Variants in SLC22A15 observed in about 807,000 individuals in gnomAD.
The protein encoded by SLC22A15 is solute carrier family 22 member 15.
A neutral mutation model predicts 62.7 loss-of-function variants in SLC22A15; 45 were observed. The observed-to-expected ratio is 0.72, with a 90% CI of 0.56 to 0.92. The LOEUF is 0.92. Ranked by LOEUF, SLC22A15 falls within the 40% of genes least tolerant of loss-of-function variation. The probability of loss-of-function intolerance (pLI) is 0.00; values close to 1 mark genes in which losing one functional copy is unlikely to be tolerated. For missense variants in SLC22A15, 622 were observed against 665.6 expected (o/e 0.93, Z 0.72); for synonymous variants, 264 against 267.0 (o/e 0.99, Z 0.11).
At chr1:116,031,854 A>T in intron 6 of SLC22A15, 1 of 1,273,946 alleles carries the variant, frequency 7.8e-7, no homozygotes, top group Non-Finnish European at 9.9e-7. Flanking sequence ...TGAGGTATTT[A>T]TCATAAATAT....
chr1:115,998,109 T>C (rs1655514187), intron 2 of SLC22A15, among the ~76,000 whole-genome samples: 3 of 152,222 alleles, frequency 2.0e-5, no homozygotes, highest in Admixed American at 2.0e-4. Context: ...TGTTGAACCA[T>C]CCTTGCATTC....
chr1:116,052,760 G>A (rs1303481204), intron 8 of SLC22A15, among the ~76,000 whole-genome samples: 1 of 152,174 alleles, frequency 6.6e-6, no homozygotes. Context: ...AAAATCTACT[G>A]TTCTGCAGAC....
At chr1:115,982,257 AGTACTCAACAAATG>A (rs1654645726) in intron 1 of SLC22A15, among the ~76,000 whole-genome samples, 1 of 152,242 alleles carries the variant, frequency 6.6e-6, no homozygotes. Context: ...GACATCATAT[AGTACTCAACAAATG>A]GCATATGGTG....
chr1:116,021,667 T>C (rs1656845375), intron 4 of SLC22A15, among the ~76,000 whole-genome samples: 1 of 152,222 alleles, frequency 6.6e-6, no homozygotes, highest in Admixed American at 6.5e-5. Context: ...TCTTAGAACC[T>C]GATACACAGT....
At chr1:115,980,829 C>T (rs190676389) in intron 1 of SLC22A15, among the ~76,000 whole-genome samples, 2 of 152,026 alleles carry the variant, frequency 1.3e-5, no homozygotes, top group Admixed American at 1.3e-4. Flanking sequence ...TTTGCTTTTC[C>T]ATATTAAATA....
chr1:116,008,638 G>A (rs1196227447), intron 2 of SLC22A15, among the ~76,000 whole-genome samples: 2 of 152,232 alleles, frequency 1.3e-5, no homozygotes, highest in South Asian at 2.1e-4. Context: ...TAGGCTGAAA[G>A]CTAAATAAGA....
rs1325206090 is a variant in SLC22A15 at position 115,981,517 on chromosome 1, A to G, written c.87+4803A>G. Among the ~76,000 whole-genome samples the G allele has an allele frequency of 3.9e-5, 6 of 152,350 alleles. No individual in the cohort carries two copies. In the South Asian group the frequency reaches 1.2e-3, roughly 32 times the overall value. ...AAGAGACAAACACAGTGGTTTGGTC[A>G]AAGAAACCAAACCCACACTGGCCCC... On this transcript the variant is annotated intron_variant, in intron 1 of 11. Transcript: ENST00000369503.
chr1:116,037,125 T>C (rs1657650010), intron 7 of SLC22A15, among the ~76,000 whole-genome samples, 178 bp from the exon 8 acceptor site: 2 of 152,214 alleles, frequency 1.3e-5, no homozygotes, highest in African/African-American at 2.4e-5. Context: ...CTTTGTTTTA[T>C]AGTGGTTATT....
intron 5 of SLC22A15, 111 bp from the exon 6 acceptor site, chr1:116,031,255 C>A: frequency 3.9e-6 from 3 of 768,802 alleles, no homozygotes; most frequent in Non-Finnish European, 6.4e-6. Context: ...TTAAGTCTAA[C>A]ATGGAATCCC....
At chr1:115,993,017 G>A (rs913789753) in intron 2 of SLC22A15, among the ~76,000 whole-genome samples, 1 of 152,100 alleles carries the variant, frequency 6.6e-6, no homozygotes, top group African/African-American at 2.4e-5. Flanking sequence ...GTATGGTCAG[G>A]AAGCCTTACT....
At chr1:116,046,909 A>G (rs1171947610) in intron 8 of SLC22A15, among the ~76,000 whole-genome samples, 2 of 152,182 alleles carry the variant, frequency 1.3e-5, no homozygotes, top group African/African-American at 4.8e-5. Context: ...TAAGGAAGCC[A>G]TTCCTGCCTG....
chr1:116,029,855 A>C (rs1471835694), intron 5 of SLC22A15, among the ~76,000 whole-genome samples: 1 of 152,134 alleles, frequency 6.6e-6, no homozygotes, highest in African/African-American at 2.4e-5. Context: ...TTTCTTTTTT[A>C]TTCCTCCCAA....
chr1:116,006,106 A>G (rs1165995493), intron 2 of SLC22A15, among the ~76,000 whole-genome samples: 2 of 152,200 alleles, frequency 1.3e-5, no homozygotes, highest in African/African-American at 2.4e-5. Flanking sequence ...AGCAACATTT[A>G]TGTAGAATAT....
At chr1:116,000,729 C>T (rs1456501588) in intron 2 of SLC22A15, among the ~76,000 whole-genome samples, 1 of 143,880 alleles carries the variant, frequency 7.0e-6, no homozygotes, top group African/African-American at 2.6e-5. Flanking sequence ...CTTCCAGGTT[C>T]CTTCGATTCT....
intron 2 of SLC22A15, among the ~76,000 whole-genome samples, chr1:116,018,546 CAGT>C (rs1213808967): frequency 1.3e-5 from 2 of 151,786 alleles, no homozygotes; most frequent in Non-Finnish European, 2.9e-5. Flanking sequence ...TTGTATTTTT[CAGT>C]AGATACAGGG....
rs1570671957 is a variant in SLC22A15 at position 115,976,568 on chromosome 1, G to A, written c.-60G>A. ...CGGGCGCCCAGGGGTTGCCGCGCTG[G>A]GCGGGAGGGCAGCGCCTGAGAGGGC... On this transcript the variant is annotated 5_prime_UTR_variant, in exon 1 of 12. Coordinates refer to ENST00000369503, the MANE Select transcript of SLC22A15 (RefSeq NM_018420.3). 7.4e-7 allele frequency: 1 copy of A among 1,356,594 alleles called. No individual in the cohort carries two copies. The highest frequency in any genetic ancestry group is 2.0e-5 in the Admixed American group (1 of 50,298). The allele number at this position is 1,356,594 out of a possible 1,614,324, so 84.0% of individuals were successfully genotyped here. A position where few individuals can be genotyped will look rare whatever the true frequency, so the allele number is the denominator to read the frequency against.
chr1:115,988,687 A>AT (rs33995476), intron 1 of SLC22A15, among the ~76,000 whole-genome samples: 42 of 140,546 alleles, frequency 3.0e-4, no homozygotes, highest in African/African-American at 3.7e-4. Flanking sequence ...TGCCCAGCTA[A>AT]TTTTTTTTTT....
chr1:116,053,006 T>A (rs924490701), intron 8 of SLC22A15, among the ~76,000 whole-genome samples: 1 of 152,178 alleles, frequency 6.6e-6, no homozygotes, highest in Non-Finnish European at 1.5e-5. Flanking sequence ...GTGCCTCTCC[T>A]CCTCCAAAGG....
chr1:116,067,012 G>A lies in SLC22A15; in HGVS notation c.1555-7G>A. The A allele has an allele frequency of 6.2e-7, 1 of 1,607,800 alleles. No homozygotes were observed. Among genetic ancestry groups the A allele is most frequent in the South Asian group, 1.1e-5 (1 of 89,862 alleles). On this transcript the variant is annotated splice_region_variant and splice_polypyrimidine_tract_variant and intron_variant, in intron 11 of 11. Coordinates refer to ENST00000369503, the MANE Select transcript of SLC22A15 (RefSeq NM_018420.3). ...TTTCACTGCCCTTTTCTTCTTTCCT[G>A]TTTCAGTGTGTGGACAAGGAGAGCT...
Sources: allele counts gnomAD v4.1 joint callset (sites outside exome capture counted in the v4.1 genomes callset), GRCh38; gene constraint gnomAD v4.1.1; transcripts MANE v1.5; gene names NCBI Gene and HGNC (gene_info 2026-07-23, HGNC 2026-07-21).